ADAM15: variants seen among roughly 807,000 people sequenced by gnomAD.
ADAM15 encodes the protein ADAM metallopeptidase domain 15, also known as disintegrin and metalloproteinase domain-containing protein 15.
A neutral mutation model predicts 113.8 loss-of-function variants in ADAM15; 77 were observed. The observed-to-expected ratio is 0.68, with a 90% CI of 0.56 to 0.82. The LOEUF is 0.82. ADAM15 is among the 40% of genes least tolerant of loss of function. The pLI is 0.00. For missense variants in ADAM15, 963 were observed against 1,120.1 expected (o/e 0.86, Z 2.00); for synonymous variants, 388 against 454.1 (o/e 0.85, Z 1.85).
At chr1:155,051,643 GAGA>G in intron 1 of ADAM15, 178 bp downstream of exon 1, 1 of 523,472 alleles carries the variant, frequency 1.9e-6, no homozygotes, top group East Asian at 3.6e-5. Context: ...GGGGTGAAAA[GAGA>G]AGGAGGGGGG....
intron 1 of ADAM15, 128 bp downstream of exon 1, chr1:155,051,593 G>A (rs1044198737): frequency 1.1e-6 from 1 of 893,140 alleles, no homozygotes; most frequent in Non-Finnish European, 1.6e-6. Context: ...GGCCCGCCCT[G>A]GTCCGCTGTC....
chr1:155,053,559 C>T, intron 3 of ADAM15, 66 bp downstream of exon 3: 7 of 1,524,816 alleles, frequency 4.6e-6, no homozygotes, highest in Non-Finnish European at 6.4e-6. Context: ...TTATTATGTG[C>T]CAGGTACTAA....
In ADAM15 at chr1:155,055,834, T is replaced by C; in HGVS notation, c.657T>C (p.Ile219=). 6.2e-7 allele frequency: 1 copy of C among 1,614,238 alleles called. No individual in the cohort carries two copies. The highest frequency in any genetic ancestry group is 8.5e-7 in the Non-Finnish European group (1 of 1,180,038). ...AGACCAAGACTGTGGAGTTGGTGATTGTGGCTGATCACTCGGAGGTGAGCC... is the reference window on the plus strand; with the variant it reads ...AGACCAAGACTGTGGAGTTGGTGATCGTGGCTGATCACTCGGAGGTGAGCC... ...VTETKTVELV[I]VADHSEAQKY... The change falls in exon 7 of 23, where the codon ATT becomes ATC. Residue 219 remains isoleucine, a synonymous_variant. Transcript: ENST00000356955.
At chr1:155,060,399 C>G in intron 18 of ADAM15, 56 bp downstream of exon 18, 2 of 1,597,846 alleles carry the variant, frequency 1.3e-6, no homozygotes, top group South Asian at 1.1e-5. Flanking sequence ...GTGCTGAAGG[C>G]TGCCTCACCT....
chr1:155,061,387 T>C (rs1275466573), intron 19 of ADAM15, 28 bp from the exon 20 acceptor site: 9 of 1,603,158 alleles, frequency 5.6e-6, no homozygotes, highest in Non-Finnish European at 7.7e-6. Context: ...TCCCCCTCTG[T>C]GCCTATCTGC....
chr1:155,055,445 C>T, intron 6 of ADAM15: 1 of 316,372 alleles, frequency 3.2e-6, no homozygotes, highest in South Asian at 2.9e-5. Context: ...CCAGGATGGT[C>T]TCGATCTCCT....
chr1:155,057,531 C>T lies in ADAM15; in HGVS notation c.1324-106C>T, dbSNP rs1571616473. On this transcript the variant is annotated intron_variant, in intron 12 of 22. Transcript: ENST00000356955. The surrounding 1 kb of genome is among the most constrained non-coding windows in gnomAD (Gnocchi z 5.0). The stretch of plus-strand genomic sequence containing the variant: ...ATGGGTTGTTGGGCTCTAGCCCTCG[C>T]TTGCTGTGTAGCTTCTGGTCTTGGC... 17 of 1,511,300 alleles carry T rather than the reference C, an allele frequency of 1.1e-5. 1 individual carries two copies. Among genetic ancestry groups the T allele is most frequent in the South Asian group, 9.2e-5 (8 of 86,620 alleles). The allele number at this position is 1,511,300 out of a possible 1,614,324, so 93.6% of individuals were successfully genotyped here.
At chr1:155,060,893 TG>T in intron 19 of ADAM15, 61 bp downstream of exon 19, 6 of 1,501,672 alleles carry the variant, frequency 4.0e-6, no homozygotes, top group Admixed American at 1.7e-5. Context: ...GCTTGGGCCC[TG>T]GGGGGTGCGC....
chr1:155,061,033 A>G, intron 19 of ADAM15: 1 of 602,794 alleles, frequency 1.7e-6, no homozygotes, highest in Non-Finnish European at 2.9e-6. Context: ...TGGGGAGGGC[A>G]GCCAGCTGGA....
In ADAM15 at chr1:155,061,902, A is replaced by C; in HGVS notation, c.2353-2A>C. ...ACAGCCACTGCCCCTCTCTCTGTTC[A>C]GGCTGAGCTGGCTGACCGACCCAAT... On this transcript the variant is annotated splice_acceptor_variant, in intron 20 of 22. Transcript: ENST00000356955. LOFTEE classifies it high-confidence loss of function. 6.6e-7 allele frequency: 1 copy of C among 1,525,446 alleles called. No homozygotes were observed. Among genetic ancestry groups the C allele is most frequent in the Admixed American group, 2.2e-5 (1 of 46,150 alleles). 94.5% of individuals were successfully genotyped at this position (1,525,446 alleles called of 1,614,324 possible).
At chr1:155,060,917 A>C in intron 19 of ADAM15, 85 bp downstream of exon 19, 1 of 1,321,218 alleles carries the variant, frequency 7.6e-7, no homozygotes, top group South Asian at 1.2e-5. Flanking sequence ...TAAAGGCTCC[A>C]GACTCAGAGA....
At position 155,059,905 on chromosome 1, in the gene ADAM15, T is replaced by C; in HGVS notation, c.1999T>C (p.Cys667Arg). ...TTGCTCGCCTTGTACCTCCTAGGTC[T>C]GTGACAGCAACAGGCACTGCTACTG... is the stretch of plus-strand genomic sequence containing the variant. Reference protein sequence around the residue: ...CRSKCHGHGVCDSNRHCYCEE... With the variant: ...CRSKCHGHGVRDSNRHCYCEE... The change falls in exon 17 of 23, where the codon TGT becomes CGT. Residue 667 changes from cysteine to arginine, a missense_variant. Coordinates refer to ENST00000356955, the MANE Select transcript of ADAM15 (RefSeq NM_207197.3). 1 of 1,613,970 alleles carries C rather than the reference T, an allele frequency of 6.2e-7. No homozygotes were observed. Among genetic ancestry groups the C allele is most frequent in the Non-Finnish European group, 8.5e-7 (1 of 1,179,870 alleles).
At position 155,060,268 on chromosome 1, in the gene ADAM15, T is replaced by C; in HGVS notation, c.2132T>C (p.Leu711Pro). ...SLLVLLVLVM[L>P]GASYWYRARL... ...CTGGTCTTATTGGTCCTGGTGATGC[T>C]TGGTGCCAGCTACTGGTACCGTGCC... Residue 711 changes from leucine to proline, a missense_variant, in exon 18 of 23, where the codon CTT becomes CCT. Leu to Pro is a moderately conservative substitution (Grantham distance 98). Transcript: ENST00000356955. 6.2e-7 allele frequency: 1 copy of C among 1,614,108 alleles called. No homozygotes were observed. The highest frequency in any genetic ancestry group is 8.5e-7 in the Non-Finnish European group (1 of 1,180,004).
chr1:155,058,455 G>T lies in ADAM15; in HGVS notation c.1917+14G>T, dbSNP rs979952014. 2 of 1,608,886 alleles carry T rather than the reference G, an allele frequency of 1.2e-6. No homozygotes were observed. Among genetic ancestry groups the T allele is most frequent in the African/African-American group, 2.7e-5 (2 of 74,934 alleles). On this transcript the variant is annotated intron_variant, in intron 15 of 22. Transcript: ENST00000356955. The surrounding 1 kb of genome is among the most constrained non-coding windows in gnomAD (Gnocchi z 4.3). ...GGCCCTGGCCTGGTGAGCAGCCTGG[G>T]TGGGCAAGACCAGGTGTGAGAAGGG...
chr1:155,062,503 C>T lies in ADAM15; in HGVS notation c.*1C>T, dbSNP rs1299512514. Reference sequence around the variant, plus strand: ...GACAGTGTCCTCGCTCTACCTCTGACCTCTCCGGAGGTTCCGCTGCCTCCA... The same window carrying T: ...GACAGTGTCCTCGCTCTACCTCTGATCTCTCCGGAGGTTCCGCTGCCTCCA... On this transcript the variant is annotated 3_prime_UTR_variant, in exon 23 of 23. Transcript: ENST00000356955. This position sits in a 1 kb window ranked among gnomAD's most constrained non-coding sequence, Gnocchi z 7.0. 1 of 1,613,096 alleles carries T rather than the reference C, an allele frequency of 6.2e-7. No individual in the cohort carries two copies. Among genetic ancestry groups the T allele is most frequent in the African/African-American group, 1.3e-5 (1 of 74,940 alleles).
At chr1:155,059,674 A>G (rs1020478065) in intron 16 of ADAM15, among the ~76,000 whole-genome samples, 4 of 152,136 alleles carry the variant, frequency 2.6e-5, no homozygotes, top group African/African-American at 9.7e-5. Context: ...CAAAACAAAC[A>G]CAAAGAAAGA....
Position 155,052,718 on chromosome 1 carries a change from C to G in ADAM15, c.127C>G (p.Pro43Ala), listed in dbSNP as rs1367291693. 2.0e-5 allele frequency: 33 copies of G among 1,612,258 alleles called. No individual in the cohort carries two copies. In the East Asian group the frequency reaches 6.5e-4, roughly 32 times the overall value. ...AGAGTCAGAGAAGGCCCCGAGGGAG[C>G]CCTTGGAGCCCCAGGTCCTTCAGGA... Reference protein sequence around the residue: ...QAESEKAPREPLEPQVLQDDL... With the variant: ...QAESEKAPREALEPQVLQDDL... The change falls in exon 2 of 23, where the codon CCC becomes GCC. Residue 43 changes from proline to alanine, a missense_variant. Pro to Ala is a conservative substitution (Grantham distance 27, BLOSUM62 -1). Coordinates refer to ENST00000356955, the MANE Select transcript of ADAM15 (RefSeq NM_207197.3).
In ADAM15 at chr1:155,057,444, C is replaced by A; in HGVS notation, c.1323+82C>A. On this transcript the variant is annotated intron_variant, in intron 12 of 22. Coordinates refer to ENST00000356955, the MANE Select transcript of ADAM15 (RefSeq NM_207197.3). The surrounding 1 kb of genome is among the most constrained non-coding windows in gnomAD (Gnocchi z 5.0). ...ATTAGCCCTATCCCAGCCTCCTGAG[C>A]TCTTGGGTTCTGAAGGGACTTTCCA... is the stretch of plus-strand genomic sequence containing the variant. 6.4e-7 allele frequency: 1 copy of A among 1,572,938 alleles called. No homozygotes were observed. The highest frequency in any genetic ancestry group is 1.1e-5 in the South Asian group (1 of 87,484).
At position 155,058,135 on chromosome 1, in the gene ADAM15, T is replaced by C; in HGVS notation, c.1701T>C (p.Ser567=). 1 of 1,612,990 alleles carries C rather than the reference T, an allele frequency of 6.2e-7. No individual in the cohort carries two copies. Among genetic ancestry groups the C allele is most frequent in the Non-Finnish European group, 8.5e-7 (1 of 1,179,088 alleles). Residue 567 remains serine, a synonymous_variant, in exon 14 of 23, where the codon AGT becomes AGC. Coordinates refer to ENST00000356955, the MANE Select transcript of ADAM15 (RefSeq NM_207197.3). The surrounding 1 kb of genome is among the most constrained non-coding windows in gnomAD (Gnocchi z 4.3). The part of the protein sequence containing the change: ...FGSCGRNPSG[S]YVSCTPRDAI... Reference sequence around the variant, plus strand: ...GCTGTGGGCGCAACCCCAGTGGCAGTTATGTGTCCTGCACCCCTAGGTAAG... The same window carrying C: ...GCTGTGGGCGCAACCCCAGTGGCAGCTATGTGTCCTGCACCCCTAGGTAAG...
Sources: allele counts gnomAD v4.1 joint callset (sites outside exome capture counted in the v4.1 genomes callset), GRCh38; gene constraint gnomAD v4.1.1; non-coding constraint Gnocchi (gnomAD v3.1); transcripts MANE v1.5; gene names NCBI Gene and HGNC (gene_info 2026-07-23, HGNC 2026-07-21).